Variants in PRKG1 observed in about 807,000 individuals in gnomAD.
The protein encoded by PRKG1 is cGMP-dependent protein kinase 1.
Under a neutral mutation model 88.1 loss-of-function variants are expected in PRKG1, and 35 were observed. The ratio of observed to expected loss-of-function variants is 0.40; its 90% confidence interval spans 0.30 to 0.53. PRKG1 has a LOEUF of 0.53. PRKG1 is among the 20% of genes least tolerant of loss of function. PRKG1 has a pLI of 0.59. For missense variants in PRKG1, 540 were observed against 839.8 expected (o/e 0.64, Z 4.41); for synonymous variants, 303 against 292.5 (o/e 1.04, Z -0.37).
chr10:51,408,230 G>A (rs1837979668), intron 2 of PRKG1, among the ~76,000 whole-genome samples: 1 of 152,140 alleles, frequency 6.6e-6, no homozygotes, highest in Non-Finnish European at 1.5e-5. Context: ...GCAAAGTATT[G>A]TTACCTAGTT....
intron 3 of PRKG1, among the ~76,000 whole-genome samples, chr10:51,671,755 T>C (rs1185392970): frequency 6.6e-6 from 1 of 151,984 alleles, no homozygotes; most frequent in Non-Finnish European, 1.5e-5. Flanking sequence ...CCCAGCTAAT[T>C]TTTTGTATTT....
At chr10:51,352,355 C>G (rs1365354319) in intron 2 of PRKG1, among the ~76,000 whole-genome samples, 1 of 151,878 alleles carries the variant, frequency 6.6e-6, no homozygotes. Context: ...GCCATTTTCA[C>G]GGTATTGATT....
chr10:51,579,417 T>C (rs1347381675), intron 3 of PRKG1, among the ~76,000 whole-genome samples: 3 of 152,166 alleles, frequency 2.0e-5, no homozygotes, highest in African/African-American at 7.2e-5. Flanking sequence ...TCTCTCACTA[T>C]GAAACATTAA....
rs10650535 is a variant in PRKG1, at chr10:51,852,213, G to GTATATA, written c.698+47534_698+47539dup. Among the ~76,000 whole-genome samples the GTATATA allele has an allele frequency of 5.6e-3, 806 of 143,282 alleles. 19 individuals are homozygous for GTATATA. The highest frequency in any genetic ancestry group is 0.035 in the Admixed American group (507 of 14,288). 94.0% of individuals were successfully genotyped at this position (143,282 alleles called of 152,430 possible). ...TTAGGCAAACCTAAGTTTTATATGT[G>GTATATA]TATATATATATATATACACACACAC... On this transcript the variant is annotated intron_variant, in intron 4 of 17. Coordinates refer to ENST00000373980, the MANE Select transcript of PRKG1 (RefSeq NM_006258.4).
chr10:52,255,002 CT>C (rs1418732274), intron 10 of PRKG1, among the ~76,000 whole-genome samples: 18 of 152,172 alleles, frequency 1.2e-4, no homozygotes, highest in African/African-American at 4.3e-4. Context: ...GACTGCTTTC[CT>C]TTCTGTTTTC....
At chr10:51,760,401 C>A (rs1837986646) in intron 3 of PRKG1, among the ~76,000 whole-genome samples, 1 of 151,858 alleles carries the variant, frequency 6.6e-6, no homozygotes, top group Non-Finnish European at 1.5e-5. Context: ...GAGAGAATAG[C>A]TTCCAGTCTT....
At chr10:51,917,591 A>G (rs867947218) in intron 5 of PRKG1, among the ~76,000 whole-genome samples, 5 of 152,308 alleles carry the variant, frequency 3.3e-5, no homozygotes, top group Non-Finnish European at 5.9e-5. Context: ...CAGCCATGCA[A>G]ATATCCTGAT....
chr10:51,364,921 C>G (rs1842558473), intron 2 of PRKG1, among the ~76,000 whole-genome samples: 1 of 151,818 alleles, frequency 6.6e-6, no homozygotes, highest in African/African-American at 2.4e-5. Context: ...ACCACGTAAA[C>G]TCTATATAAT....
At chr10:51,172,954 A>G (rs769880245) in intron 2 of PRKG1, among the ~76,000 whole-genome samples, 15 of 152,140 alleles carry the variant, frequency 9.9e-5, no homozygotes, top group Middle Eastern at 3.4e-3. Flanking sequence ...GAGCTGACAC[A>G]TGGATGGTGT....
intron 5 of PRKG1, among the ~76,000 whole-genome samples, chr10:52,023,101 G>A (rs1195795010): frequency 1.3e-5 from 2 of 152,112 alleles, no homozygotes; most frequent in East Asian, 1.9e-4. Context: ...GGTGTGTGAT[G>A]TTTCCTTTCC....
At chr10:51,188,977 G>T (rs1042731838) in intron 2 of PRKG1, among the ~76,000 whole-genome samples, 3 of 151,900 alleles carry the variant, frequency 2.0e-5, no homozygotes, top group South Asian at 2.1e-4. Context: ...GTGGGAGAGG[G>T]TTGGGCTGCA....
intron 2 of PRKG1, among the ~76,000 whole-genome samples, chr10:51,196,754 G>A (rs985744007): frequency 6.6e-6 from 1 of 152,064 alleles, no homozygotes; most frequent in Admixed American, 6.6e-5. Flanking sequence ...GTAAATATTT[G>A]AGTTATAAAC....
At chr10:51,182,222 A>T (rs1312035426) in intron 2 of PRKG1, among the ~76,000 whole-genome samples, 1 of 152,206 alleles carries the variant, frequency 6.6e-6, no homozygotes, top group Non-Finnish European at 1.5e-5. Context: ...GGTGTTGAAG[A>T]CTTTGGGATG....
chr10:51,798,431 A>G (rs952035258), intron 3 of PRKG1, among the ~76,000 whole-genome samples: 11 of 151,982 alleles, frequency 7.2e-5, no homozygotes, highest in African/African-American at 2.4e-4. Flanking sequence ...TTATATCCTT[A>G]TTGGTCATAT....
chr10:51,236,521 T>G (rs1282836897), intron 2 of PRKG1, among the ~76,000 whole-genome samples: 3 of 151,828 alleles, frequency 2.0e-5, no homozygotes. Context: ...TTTTTTTTTT[T>G]TAATGGAGTC....
intron 2 of PRKG1, among the ~76,000 whole-genome samples, chr10:51,176,565 A>G (rs1837200187): frequency 6.6e-6 from 1 of 152,218 alleles, no homozygotes; most frequent in South Asian, 2.1e-4. Context: ...TAAATAAGAC[A>G]ATCAAAAATT....
chr10:52,037,749 A>C (rs1845654625), intron 5 of PRKG1, among the ~76,000 whole-genome samples: 1 of 152,164 alleles, frequency 6.6e-6, no homozygotes, highest in Non-Finnish European at 1.5e-5. Context: ...GGAGGTGATG[A>C]AAAGATTATA....
intron 4 of PRKG1, among the ~76,000 whole-genome samples, chr10:51,828,125 A>G (rs1011280760): frequency 6.6e-6 from 1 of 152,152 alleles, no homozygotes; most frequent in African/African-American, 2.4e-5. Flanking sequence ...GGTTGGAGCA[A>G]AAGTAATTGG....
At chr10:51,739,194 C>CT (rs938706394) in intron 3 of PRKG1, among the ~76,000 whole-genome samples, 1 of 152,072 alleles carries the variant, frequency 6.6e-6, no homozygotes, top group Non-Finnish European at 1.5e-5. Context: ...AATTTATTGT[C>CT]TTTTTTTCCC....
Sources: allele counts gnomAD v4.1 joint callset (sites outside exome capture counted in the v4.1 genomes callset), GRCh38; gene constraint gnomAD v4.1.1; transcripts MANE v1.5; gene names NCBI Gene and HGNC (gene_info 2026-07-23, HGNC 2026-07-21).